CFAP299: variants seen among roughly 807,000 people sequenced by gnomAD.
The protein encoded by CFAP299 is cilia and flagella associated protein 299, also known as cilia- and flagella-associated protein 299.
Under a neutral mutation model 27.0 loss-of-function variants are expected in CFAP299, and 21 were observed. That is an observed-to-expected ratio of 0.78 (90% CI 0.55 to 1.12). CFAP299 has a LOEUF of 1.12. Among genes scored for constraint, CFAP299 ranks in the 50% most tolerant of loss-of-function variants. The probability of loss-of-function intolerance (pLI) is 0.00; values close to 1 mark genes in which losing one functional copy is unlikely to be tolerated. For synonymous variants in CFAP299, 104 were observed against 98.1 expected (o/e 1.06, Z -0.36); for missense variants, 310 against 276.6 (o/e 1.12, Z -0.86).
At position 80,928,857 on chromosome 4, in the gene CFAP299, AT is replaced by A. The variant is rs1356674381; in HGVS notation, c.477-15947del. ...ATTTGACAATGGGTATCTTCCCATT[AT>A]TTTTTCATACCTCATATTCCGTTCT... is the stretch of plus-strand genomic sequence containing the variant. On this transcript the variant is annotated intron_variant, in intron 4 of 5. Transcript: ENST00000358105. Among the ~76,000 whole-genome samples, 10 of 152,048 alleles carry A rather than the reference AT, an allele frequency of 6.6e-5. No homozygotes were observed. The East Asian group carries it at 1.9e-3, about 29-fold the overall frequency.
At chr4:80,944,382 G>A (rs1464278404) in intron 4 of CFAP299, among the ~76,000 whole-genome samples, 1 of 152,122 alleles carries the variant, frequency 6.6e-6, no homozygotes, top group Non-Finnish European at 1.5e-5. Context: ...AGGAAAAAAA[G>A]CGGAGCCTGA....
chr4:80,717,410 A>G (rs1722553176), intron 3 of CFAP299, among the ~76,000 whole-genome samples: 1 of 152,120 alleles, frequency 6.6e-6, no homozygotes, highest in African/African-American at 2.4e-5. Flanking sequence ...GACATTTGAG[A>G]TATACAAAGT....
chr4:80,963,461 A>T lies in CFAP299; in HGVS notation c.607-56A>T, dbSNP rs200544185. ...AGCAAAAAAATAAAAAAAAAATTTT[A>T]AAAAAGGCCAAGTATTTTTATAGAC... On this transcript the variant is annotated intron_variant, in intron 5 of 5. Coordinates refer to ENST00000358105, the MANE Select transcript of CFAP299 (RefSeq NM_152770.3). 9.1e-3 allele frequency: 8,713 copies of T among 956,102 alleles called. 451 individuals carry two copies. In the African/African-American group the frequency reaches 0.14, roughly 16 times the overall value. The allele number at this position is 956,102 out of a possible 1,614,324, so 59.2% of individuals were successfully genotyped here. A position where few individuals can be genotyped will look rare whatever the true frequency, so the allele number is the denominator to read the frequency against.
chr4:80,594,662 A>G (rs1314145025), intron 3 of CFAP299, among the ~76,000 whole-genome samples: 2 of 151,832 alleles, frequency 1.3e-5, no homozygotes, highest in Admixed American at 6.6e-5. Context: ...GAAAACTAGA[A>G]CTGTTGTTTT....
At chr4:80,820,665 G>A (rs1729654206) in intron 3 of CFAP299, among the ~76,000 whole-genome samples, 1 of 152,146 alleles carries the variant, frequency 6.6e-6, no homozygotes, top group Admixed American at 6.6e-5. Context: ...TTAAAAGGAT[G>A]CCTATGGTTG....
At chr4:80,503,835 A>G (rs1185838677) in intron 2 of CFAP299, among the ~76,000 whole-genome samples, 1 of 152,172 alleles carries the variant, frequency 6.6e-6, no homozygotes, top group Non-Finnish European at 1.5e-5. Context: ...AGGGATGCCA[A>G]AACATTAATG....
chr4:80,387,967 G>T (rs1328834565), intron 2 of CFAP299: 2 of 759,606 alleles, frequency 2.6e-6, no homozygotes, highest in East Asian at 2.5e-5. Flanking sequence ...TGTACACTGT[G>T]GGGGTGGGGT....
chr4:80,434,818 TG>T (rs1727986268), intron 2 of CFAP299, among the ~76,000 whole-genome samples: 1 of 152,218 alleles, frequency 6.6e-6, no homozygotes, highest in South Asian at 2.1e-4. Flanking sequence ...AAAAGCTGAT[TG>T]ATCCTTAAGG....
intron 3 of CFAP299, among the ~76,000 whole-genome samples, chr4:80,749,291 C>A (rs945251484): frequency 1.3e-5 from 2 of 152,036 alleles, no homozygotes; most frequent in Non-Finnish European, 2.9e-5. Flanking sequence ...GCTGTTCCAG[C>A]TCCTTGACTT....
At position 80,378,672 on chromosome 4, in the gene CFAP299, T is replaced by C. The variant is rs544517786; in HGVS notation, c.242+15788T>C. On this transcript the variant is annotated intron_variant, in intron 2 of 5. Coordinates refer to ENST00000358105, the MANE Select transcript of CFAP299 (RefSeq NM_152770.3). ...TTTTCTGTTGATTGAAACAATCTTA[T>C]GGTTTTTCAGGTTCTTTACTTTTAG... 5.9e-5 allele frequency among the ~76,000 whole-genome samples: 9 copies of C among 152,270 alleles called. No homozygotes were observed. In the South Asian group the frequency reaches 8.3e-4, roughly 14 times the overall value.
chr4:80,776,336 T>C (rs925458298), intron 3 of CFAP299, among the ~76,000 whole-genome samples: 24 of 152,238 alleles, frequency 1.6e-4, no homozygotes, highest in African/African-American at 5.3e-4. Flanking sequence ...ACCAGAGAAC[T>C]TTCAAACTCG....
intron 3 of CFAP299, among the ~76,000 whole-genome samples, chr4:80,849,948 T>C (rs541995348): frequency 6.6e-5 from 10 of 152,306 alleles, no homozygotes; most frequent in African/African-American, 2.2e-4. Context: ...TTACACAATG[T>C]ATACATATAT....
At chr4:80,775,574 T>A (rs943011294) in intron 3 of CFAP299, among the ~76,000 whole-genome samples, 2 of 151,980 alleles carry the variant, frequency 1.3e-5, no homozygotes, top group African/African-American at 4.8e-5. Context: ...TTCATCAAAG[T>A]AGTCTTTGCA....
chr4:80,861,038 C>A (rs1373349049), intron 3 of CFAP299, among the ~76,000 whole-genome samples: 2 of 152,210 alleles, frequency 1.3e-5, no homozygotes, highest in African/African-American at 4.8e-5. Context: ...GGCAGGCAGG[C>A]CTCCTTGAGC....
chr4:80,409,774 T>C, intron 2 of CFAP299, among the ~76,000 whole-genome samples: 1 of 152,168 alleles, frequency 6.6e-6, no homozygotes, highest in Non-Finnish European at 1.5e-5. Flanking sequence ...TCACAGATGA[T>C]AGCATACATG....
rs11946924 is a variant in CFAP299 at position 80,708,980 on chromosome 4, C to T, written c.333+125797C>T. 3.0e-3 allele frequency among the ~76,000 whole-genome samples: 452 copies of T among 152,146 alleles called. 2 individuals carry two copies. The highest frequency in any genetic ancestry group is 0.01 in the African/African-American group (435 of 41,542). On this transcript the variant is annotated intron_variant, in intron 3 of 5. Transcript: ENST00000358105. The stretch of plus-strand genomic sequence containing the variant: ...AATCTGTAGAATATCATCTTAAAAA[C>T]AGCAAAAGTAACACAAAATAAATAT...
chr4:80,661,257 C>T (rs1029349513), intron 3 of CFAP299, among the ~76,000 whole-genome samples: 10 of 147,406 alleles, frequency 6.8e-5, no homozygotes, highest in Non-Finnish European at 5.9e-5. Flanking sequence ...ACCCAGGAGT[C>T]GGAGGTTGCA....
chr4:80,576,197 A>AAATAT (rs980515680), intron 2 of CFAP299, among the ~76,000 whole-genome samples: 2,490 of 32,334 alleles, frequency 0.077, 81 homozygotes, highest in African/African-American at 0.14. Flanking sequence ...TAAAAAAAAA[A>AAATAT]ATATATATAT....
intron 3 of CFAP299, among the ~76,000 whole-genome samples, chr4:80,672,945 A>AG (rs1553947064): frequency 9.4e-5 from 1 of 10,606 alleles, no homozygotes; most frequent in Non-Finnish European, 3.0e-4. Context: ...TGATCTTTTC[A>AG]AAAAAAAAAA....
Sources: allele counts gnomAD v4.1 joint callset (sites outside exome capture counted in the v4.1 genomes callset), GRCh38; gene constraint gnomAD v4.1.1; transcripts MANE v1.5; gene names NCBI Gene and HGNC (gene_info 2026-07-23, HGNC 2026-07-21).